The following DNM3 variants were observed in gnomAD, a reference collection of about 807,000 sequenced individuals.
The protein encoded by DNM3 is dynamin 3, also known as dynamin-3.
DNM3 carries 47 observed loss-of-function variants against 101.6 expected under a neutral mutation model. The ratio of observed to expected loss-of-function variants is 0.46; its 90% CI spans 0.37 to 0.59. The LOEUF (loss-of-function observed/expected upper bound fraction) is 0.59, where lower values mean the gene tolerates loss of function less well. DNM3 is among the 20% of genes least tolerant of loss of function. The probability of loss-of-function intolerance (pLI) is 0.00; values close to 1 mark genes in which losing one functional copy is unlikely to be tolerated. For synonymous variants in DNM3, 385 were observed against 387.9 expected, an observed-to-expected ratio of 0.99 and a Z score of 0.09; for missense variants, 849 against 1,085.7, an observed-to-expected ratio of 0.78 and a Z score of 3.06.
intron 2 of DNM3, among the ~76,000 whole-genome samples, chr1:171,950,271 A>C (rs990318487): frequency 5.3e-5 from 8 of 152,224 alleles, no homozygotes; most frequent in South Asian, 4.1e-4. Flanking sequence ...TCAGCTTAAC[A>C]AATTGTTGAC....
intron 1 of DNM3, among the ~76,000 whole-genome samples, chr1:171,909,804 A>G (rs1416139184): frequency 6.6e-6 from 1 of 152,204 alleles, no homozygotes; most frequent in East Asian, 1.9e-4. Flanking sequence ...GCGTCAGTGG[A>G]AAGGCAATGA....
chr1:172,398,433 G>A (rs187909434), intron 20 of DNM3, among the ~76,000 whole-genome samples: 21 of 152,302 alleles, frequency 1.4e-4, no homozygotes, highest in African/African-American at 2.6e-4. Context: ...CTCTGTGGGT[G>A]AGAACAGAGT....
At chr1:172,084,197 A>C (rs1221690618) in intron 12 of DNM3, among the ~76,000 whole-genome samples, 1 of 152,048 alleles carries the variant, frequency 6.6e-6, no homozygotes, top group Non-Finnish European at 1.5e-5. Context: ...TGTCTTGTAT[A>C]CCTTTCAGGA....
intron 14 of DNM3, among the ~76,000 whole-genome samples, chr1:172,241,015 A>C (rs962130440): frequency 2.0e-5 from 3 of 152,128 alleles, no homozygotes; most frequent in African/African-American, 7.2e-5. Flanking sequence ...ACTAGTAAAG[A>C]AAATTTAACC....
intron 6 of DNM3, among the ~76,000 whole-genome samples, chr1:172,034,236 T>A (rs1268279352): frequency 2.0e-5 from 3 of 152,154 alleles, no homozygotes; most frequent in Admixed American, 2.0e-4. Flanking sequence ...TTATACTTTT[T>A]AATTAAAGAT....
At chr1:172,181,073 G>A (rs2059326143) in intron 14 of DNM3, among the ~76,000 whole-genome samples, 2 of 152,010 alleles carry the variant, frequency 1.3e-5, no homozygotes, top group African/African-American at 4.8e-5. Context: ...TGGACTGTGA[G>A]GCCTACACAT....
chr1:171,961,486 G>A (rs571089710), intron 2 of DNM3, among the ~76,000 whole-genome samples: 1 of 152,256 alleles, frequency 6.6e-6, no homozygotes, highest in African/African-American at 2.4e-5. Context: ...GAACTCTTAT[G>A]CATTATTGGT....
At chr1:171,901,994 T>G (rs7540873) in intron 1 of DNM3, among the ~76,000 whole-genome samples, 113,340 of 152,030 alleles carry the variant, frequency 0.75, 42,928 homozygotes, top group African/African-American at 0.88. Context: ...GAAGCTATAT[T>G]AGTTCAAGTT....
chr1:171,974,851 C>T (rs566405726), intron 2 of DNM3, among the ~76,000 whole-genome samples: 1 of 151,432 alleles, frequency 6.6e-6, no homozygotes, highest in Admixed American at 6.6e-5. Context: ...TCCTTCTCCC[C>T]CTCTTCTTCT....
chr1:172,204,050 T>G (rs913328512), intron 14 of DNM3, among the ~76,000 whole-genome samples: 10 of 152,144 alleles, frequency 6.6e-5, no homozygotes, highest in African/African-American at 2.4e-4. Context: ...TTTACTGTCA[T>G]GAAAAAGATT....
intron 14 of DNM3, among the ~76,000 whole-genome samples, chr1:172,216,162 C>A (rs921317234): frequency 6.6e-6 from 1 of 152,030 alleles, no homozygotes; most frequent in African/African-American, 2.4e-5. Context: ...ATGCAGCATT[C>A]CATATCTCAT....
At chr1:172,332,492 T>A (rs1193568734) in intron 17 of DNM3, among the ~76,000 whole-genome samples, 1 of 152,122 alleles carries the variant, frequency 6.6e-6, no homozygotes, top group Non-Finnish European at 1.5e-5. Flanking sequence ...TGTATTTTAG[T>A]ACAGATGGGG....
intron 14 of DNM3, among the ~76,000 whole-genome samples, chr1:172,191,076 C>T (rs1365260812): frequency 6.6e-6 from 1 of 152,082 alleles, no homozygotes; most frequent in South Asian, 2.1e-4. Context: ...TTGTTTTAGT[C>T]ATGAAGTCCT....
chr1:172,182,848 G>T (rs1449697859), intron 14 of DNM3, among the ~76,000 whole-genome samples: 1 of 152,128 alleles, frequency 6.6e-6, no homozygotes, highest in East Asian at 1.9e-4. Context: ...CAGTTTTCCT[G>T]CAATTGGTGA....
intron 13 of DNM3, among the ~76,000 whole-genome samples, chr1:172,108,910 A>G (rs1248022745): frequency 6.6e-6 from 1 of 152,254 alleles, no homozygotes; most frequent in Non-Finnish European, 1.5e-5. Flanking sequence ...TGGATGGAGA[A>G]CTACTTTGGA....
At chr1:172,058,100 G>A (rs1014499044) in intron 10 of DNM3, among the ~76,000 whole-genome samples, 5 of 133,118 alleles carry the variant, frequency 3.8e-5, no homozygotes, top group African/African-American at 9.0e-5. Context: ...GACAAAGAAG[G>A]CCATTACATA....
intron 1 of DNM3, among the ~76,000 whole-genome samples, chr1:171,920,674 C>T (rs767970231): frequency 6.6e-6 from 1 of 152,152 alleles, no homozygotes; most frequent in Non-Finnish European, 1.5e-5. Flanking sequence ...TTTTTGAATT[C>T]TTCGACATTG....
At chr1:172,025,775 C>A (rs1160893677) in intron 4 of DNM3, among the ~76,000 whole-genome samples, 1 of 152,154 alleles carries the variant, frequency 6.6e-6, no homozygotes, top group Non-Finnish European at 1.5e-5. Context: ...ACAAAAAGGA[C>A]ATCCACACAG....
At chr1:171,943,750 G>A (rs977628824) in intron 2 of DNM3, among the ~76,000 whole-genome samples, 1 of 152,180 alleles carries the variant, frequency 6.6e-6, no homozygotes, top group Non-Finnish European at 1.5e-5. Flanking sequence ...TTGGGCACAT[G>A]TTTTCAGGAT....
Sources: allele counts gnomAD v4.1 joint callset (sites outside exome capture counted in the v4.1 genomes callset), GRCh38; gene constraint gnomAD v4.1.1; transcripts MANE v1.5; gene names NCBI Gene and HGNC (gene_info 2026-07-23, HGNC 2026-07-21).